GATAD1: variants seen among roughly 807,000 people sequenced by gnomAD.
The protein encoded by GATAD1 is GATA zinc finger domain-containing protein 1.
In GATAD1, 12 loss-of-function variants were observed where a neutral mutation model predicts 26.5. The observed-to-expected ratio is 0.45, with a 90% CI of 0.29 to 0.73. The LOEUF is 0.73. GATAD1 is among the 30% of genes least tolerant of loss of function. The pLI is 0.10. For synonymous variants in GATAD1, 129 were observed against 133.1 expected (o/e 0.97, Z 0.21); for missense variants, 266 against 342.1 (o/e 0.78, Z 1.75).
At chr7:92,480,512 G>T in the GATAD1 span, among the ~76,000 whole-genome samples, 14 of 152,174 alleles carry the variant, frequency 9.2e-5, no homozygotes, top group Non-Finnish European at 1.5e-4. Context: ...GGAAATGAGA[G>T]GTTCTAAGAG....
chr7:92,475,130 C>G, the GATAD1 span: 1 of 152,150 alleles, frequency 6.6e-6, no homozygotes, highest in Admixed American at 6.6e-5. Flanking sequence ...TTTGCCTTTT[C>G]TACAAAAGAG....
the GATAD1 span, chr7:92,489,231 A>T: frequency 7.2e-7 from 1 of 1,383,868 alleles, no homozygotes; most frequent in Non-Finnish European, 1.0e-6. Flanking sequence ...TTAAAGGTTT[A>T]AGTGTAATAC....
rs1288393608 is a variant in GATAD1 at position 92,454,534 on chromosome 7, TG to T, written c.469del (p.Val157Ter). 6.8e-6 allele frequency: 11 copies of T among 1,612,656 alleles called. No homozygotes were observed. Among genetic ancestry groups the T allele is most frequent in the Non-Finnish European group, 9.3e-6 (11 of 1,178,782 alleles). Reference sequence around the variant, plus strand: ...ATTACCAAATTGGTGATGTTGTTTCTGTGATTGATGAACAAGATGGAAAGCC... The same window carrying T: ...ATTACCAAATTGGTGATGTTGTTTCTTGATTGATGAACAAGATGGAAAGCC... The part of the protein sequence containing the change: ...VYYQIGDVVS[V>X]IDEQDGKPYY... On this transcript the variant is annotated frameshift_variant, in exon 4 of 5. Transcript: ENST00000287957. LOFTEE classifies it high-confidence loss of function.
At chr7:92,463,057 C>A (rs746313655), downstream of GATAD1, 4 of 152,084 alleles carry the variant, frequency 2.6e-5, no homozygotes, top group Non-Finnish European at 5.9e-5. Flanking sequence ...ATTATTCAGC[C>A]GTAGAAGGAA....
At chr7:92,480,006 G>T in the GATAD1 span, among the ~76,000 whole-genome samples, 1 of 152,088 alleles carries the variant, frequency 6.6e-6, no homozygotes, top group Non-Finnish European at 1.5e-5. Context: ...GAGTTTTTGG[G>T]CTCTATCCTC....
intron 2 of GATAD1, 181 bp from the exon 3 acceptor site, chr7:92,450,520 G>A: frequency 1.8e-6 from 1 of 545,590 alleles, no homozygotes; most frequent in Non-Finnish European, 3.2e-6. Context: ...AGCAGAAATT[G>A]CAGTGGAAAT....
chr7:92,474,946 T>G, the GATAD1 span: 3 of 152,120 alleles, frequency 2.0e-5, 1 homozygote, highest in Admixed American at 2.0e-4. Context: ...GTCTATCTCC[T>G]TTTGGACCAT....
chr7:92,465,169 G>A, the GATAD1 span: 2 of 152,216 alleles, frequency 1.3e-5, no homozygotes, highest in Non-Finnish European at 1.5e-5. Context: ...ACTGCCATAC[G>A]TAGGATCCGA....
the GATAD1 span, chr7:92,469,343 A>G: frequency 1.3e-6 from 1 of 765,268 alleles, no homozygotes; most frequent in Non-Finnish European, 2.4e-6. Context: ...AGTTTGTAGT[A>G]GAACTGAGTA....
chr7:92,465,476 G>T, the GATAD1 span, among the ~76,000 whole-genome samples: 1 of 151,982 alleles, frequency 6.6e-6, no homozygotes, highest in East Asian at 1.9e-4. Flanking sequence ...AAATTAGCTG[G>T]CTGTGGTGGC....
chr7:92,483,971 GAGAA>G, the GATAD1 span, among the ~76,000 whole-genome samples: 1 of 152,132 alleles, frequency 6.6e-6, no homozygotes, highest in African/African-American at 2.4e-5. Flanking sequence ...ACAGACAGGA[GAGAA>G]AGAAGAAAGA....
the GATAD1 span, chr7:92,477,872 T>G: frequency 6.5e-6 from 1 of 154,922 alleles, no homozygotes; most frequent in Non-Finnish European, 1.4e-5. Flanking sequence ...AAGAGTGCAG[T>G]TGCAAGATTT....
At chr7:92,460,634 A>G (rs1789886320), downstream of GATAD1, among the ~76,000 whole-genome samples, 1 of 152,084 alleles carries the variant, frequency 6.6e-6, no homozygotes, top group South Asian at 2.1e-4. Flanking sequence ...ATCTTTTATA[A>G]AAGATGGAAG....
the GATAD1 span, chr7:92,477,716 A>T: frequency 1.2e-5 from 2 of 172,366 alleles, no homozygotes; most frequent in African/African-American, 4.8e-5. Context: ...GGGAGCGGCA[A>T]TGGGCGCCTC....
At chr7:92,485,636 C>A in the GATAD1 span, among the ~76,000 whole-genome samples, 1 of 152,222 alleles carries the variant, frequency 6.6e-6, no homozygotes, top group Admixed American at 6.5e-5. Flanking sequence ...AACACTAATT[C>A]TTGGAGACCC....
the GATAD1 span, among the ~76,000 whole-genome samples, chr7:92,467,952 A>C: frequency 6.6e-6 from 1 of 152,116 alleles, no homozygotes. Context: ...TGGCCCATGC[A>C]TTTGCACCCT....
chr7:92,490,443 T>G, the GATAD1 span, among the ~76,000 whole-genome samples: 1 of 152,060 alleles, frequency 6.6e-6, no homozygotes, highest in Non-Finnish European at 1.5e-5. Context: ...GAGACCAGCC[T>G]GGGCAATATG....
the GATAD1 span, chr7:92,473,178 G>A: frequency 2.6e-5 from 4 of 152,156 alleles, no homozygotes; most frequent in African/African-American, 7.2e-5. Context: ...TGCTTCCTCT[G>A]GTATTTGGGA....
chr7:92,492,993 A>C, the GATAD1 span: 1 of 1,613,984 alleles, frequency 6.2e-7, no homozygotes, highest in East Asian at 2.2e-5. Flanking sequence ...TAAGGCCTCC[A>C]ATTGGGCATT....
Sources: gnomAD v4.1 joint callset for allele counts (sites outside exome capture counted in the v4.1 genomes callset) on GRCh38, gnomAD v4.1.1 for gene constraint, MANE v1.5 for transcripts, NCBI Gene and HGNC (gene_info 2026-07-23, HGNC 2026-07-21) for gene names.